Variants in E2F3 observed in about 807,000 individuals in gnomAD.
E2F3 encodes the protein E2F transcription factor 3, also known as transcription factor E2F3.
In E2F3, 11 loss-of-function variants were observed where a neutral mutation model predicts 44.4. The observed-to-expected ratio is 0.25, with a 90% CI of 0.16 to 0.41. The LOEUF (loss-of-function observed/expected upper bound fraction) is 0.41. E2F3 is among the 10% of genes least tolerant of loss of function. The probability of loss-of-function intolerance (pLI) is 1.00; values close to 1 mark genes in which losing one functional copy is unlikely to be tolerated. For missense variants in E2F3, 487 were observed against 583.6 expected (o/e 0.83, Z 1.70); for synonymous variants, 249 against 253.0 (o/e 0.98, Z 0.15).
At chr6:20,471,392 G>A (rs1051269881) in intron 1 of E2F3, among the ~76,000 whole-genome samples, 1 of 152,130 alleles carries the variant, frequency 6.6e-6, no homozygotes, top group African/African-American at 2.4e-5. Context: ...AGACTAGCCT[G>A]GCCAACATGG....
At chr6:20,406,641 A>G (rs1048186208) in intron 1 of E2F3, among the ~76,000 whole-genome samples, 2 of 152,202 alleles carry the variant, frequency 1.3e-5, no homozygotes, top group South Asian at 4.1e-4. Flanking sequence ...AGTGGTGTTG[A>G]ACTGCCAAGC....
chr6:20,409,103 C>G (rs1343470700), intron 1 of E2F3, among the ~76,000 whole-genome samples: 1 of 152,186 alleles, frequency 6.6e-6, no homozygotes, highest in African/African-American at 2.4e-5. Context: ...TTCTTAGAAG[C>G]CTCATTCACC....
intron 1 of E2F3, among the ~76,000 whole-genome samples, chr6:20,416,752 G>A (rs1442130097): frequency 6.6e-6 from 1 of 152,180 alleles, no homozygotes; most frequent in Non-Finnish European, 1.5e-5. Context: ...CCGTAACTGG[G>A]CTGCAATGTT....
intron 1 of E2F3, among the ~76,000 whole-genome samples, chr6:20,443,717 C>G (rs1760848225): frequency 6.6e-6 from 1 of 152,006 alleles, no homozygotes; most frequent in Non-Finnish European, 1.5e-5. Flanking sequence ...CCATTCTGCC[C>G]CCCAATTTAT....
intron 1 of E2F3, among the ~76,000 whole-genome samples, chr6:20,445,459 C>T (rs1186399489): frequency 1.3e-5 from 2 of 152,092 alleles, no homozygotes; most frequent in African/African-American, 4.8e-5. Flanking sequence ...AGGCTGGTCT[C>T]GAATTCCTGA....
At chr6:20,447,235 T>TGG (rs1325203509) in intron 1 of E2F3, among the ~76,000 whole-genome samples, 1 of 151,956 alleles carries the variant, frequency 6.6e-6, no homozygotes, top group Non-Finnish European at 1.5e-5. Flanking sequence ...GGACAGATGT[T>TGG]GGGGGGAAGG....
Position 20,402,491 on chromosome 6 carries a change from A to G in E2F3, c.259A>G (p.Ser87Gly). 1 of 1,605,448 alleles carries G rather than the reference A, an allele frequency of 6.2e-7. No homozygotes were observed. ...GAVAAGPLLP[S>G]APGAEQTAGS... ...CGTAGCCGCCGGCCCCCTCCTCCCC[A>G]GTGCCCCCGGCGCGGAGCAGACCGC... The change falls in exon 1 of 7, where the codon AGT (serine) becomes GGT (glycine). Residue 87 changes from serine (S) to glycine (G), a missense_variant. Physicochemically the swap from Ser to Gly is moderately conservative, Grantham distance 56. Transcript: ENST00000346618. The surrounding 1 kb of genome is among the most constrained non-coding windows in gnomAD (Gnocchi z 5.6).
chr6:20,476,312 A>G (rs1762043259), intron 1 of E2F3, among the ~76,000 whole-genome samples: 2 of 152,142 alleles, frequency 1.3e-5, no homozygotes, highest in African/African-American at 2.4e-5. Context: ...CGGAGCTTGC[A>G]ATAAGTTGAA....
intron 1 of E2F3, among the ~76,000 whole-genome samples, chr6:20,436,652 A>G (rs776778191): frequency 4.4e-4 from 67 of 152,166 alleles, no homozygotes; most frequent in Non-Finnish European, 8.5e-4. Flanking sequence ...CCACGTTAGC[A>G]GTCCTTTTCC....
intron 1 of E2F3, among the ~76,000 whole-genome samples, chr6:20,407,221 T>G (rs948190374): frequency 4.6e-5 from 7 of 152,160 alleles, no homozygotes; most frequent in Non-Finnish European, 8.8e-5. Context: ...GGGAGACAAT[T>G]TTTAGTCACT....
In E2F3 at chr6:20,410,224, G is replaced by A. The variant is rs1759627476; in HGVS notation, c.393+7599G>A. On this transcript the variant is annotated intron_variant, in intron 1 of 6. Transcript: ENST00000346618. ...CTGAGGCCCACACTATCTCCTGTGT[G>A]CCTTTCTGCATCTGGCAGTCCCTTG... is the stretch of plus-strand genomic sequence containing the variant. 2.6e-5 allele frequency among the ~76,000 whole-genome samples: 4 copies of A among 152,182 alleles called. No individual in the cohort carries two copies. The South Asian group carries it at 6.2e-4, about 24-fold the overall frequency.
intron 1 of E2F3, among the ~76,000 whole-genome samples, chr6:20,415,648 T>C (rs1284979951): frequency 6.6e-6 from 1 of 152,180 alleles, no homozygotes; most frequent in Non-Finnish European, 1.5e-5. Flanking sequence ...ATAGTACATA[T>C]TTAAATTTTA....
At position 20,490,504 on chromosome 6, in the gene E2F3, TTG is replaced by T; in HGVS notation, c.*76_*77del. 1 of 1,427,526 alleles carries T rather than the reference TTG, an allele frequency of 7.0e-7. No homozygotes were observed. The highest frequency in any genetic ancestry group is 9.4e-7 in the Non-Finnish European group (1 of 1,067,674). 88.4% of individuals were successfully genotyped at this position (1,427,526 alleles called of 1,614,324 possible). On this transcript the variant is annotated 3_prime_UTR_variant, in exon 7 of 7. Coordinates refer to ENST00000346618, the MANE Select transcript of E2F3 (RefSeq NM_001949.5). This position sits in a 1 kb window ranked among gnomAD's most constrained non-coding sequence, Gnocchi z 4.3. ...GAACCAGAACATCTGTCATGCAGTG[TTG>T]TCCCTTCCTACCTTCTTCCTCCAAG...
At chr6:20,488,318 A>G (rs1365141761) in intron 6 of E2F3, 70 bp downstream of exon 6, 1 of 1,499,836 alleles carries the variant, frequency 6.7e-7, no homozygotes, top group Non-Finnish European at 8.9e-7. Flanking sequence ...TCTGTATTGG[A>G]ACCACAAGCC....
chr6:20,436,452 AACAC>A (rs765678025), intron 1 of E2F3, among the ~76,000 whole-genome samples: 10,511 of 146,194 alleles, frequency 0.072, 841 homozygotes, highest in African/African-American at 0.21. Flanking sequence ...TGAGCTAGGA[AACAC>A]ACACACACAC....
chr6:20,466,264 C>T (rs1271583437), intron 1 of E2F3, among the ~76,000 whole-genome samples: 2 of 152,114 alleles, frequency 1.3e-5, no homozygotes. Flanking sequence ...TCATGCACAC[C>T]ACCACGCCCG....
intron 1 of E2F3, among the ~76,000 whole-genome samples, chr6:20,458,013 A>T (rs1002393291): frequency 6.6e-6 from 1 of 152,186 alleles, no homozygotes; most frequent in South Asian, 2.1e-4. Context: ...TTTTATGTTC[A>T]TTTGAAAAAT....
chr6:20,429,899 T>G (rs1371818035), intron 1 of E2F3, among the ~76,000 whole-genome samples: 1 of 152,096 alleles, frequency 6.6e-6, no homozygotes, highest in Non-Finnish European at 1.5e-5. Flanking sequence ...AATATTTTAT[T>G]AAATATTAAA....
chr6:20,421,912 C>G (rs1760042348), intron 1 of E2F3: 1 of 152,210 alleles, frequency 6.6e-6, no homozygotes, highest in Admixed American at 6.5e-5. Context: ...CTTAAGGGCC[C>G]TAGGGTTTTT....
Sources: gnomAD v4.1 joint callset for allele counts (sites outside exome capture counted in the v4.1 genomes callset) on GRCh38, gnomAD v4.1.1 for gene constraint, Gnocchi (gnomAD v3.1) non-coding constraint, MANE v1.5 for transcripts, NCBI Gene and HGNC (gene_info 2026-07-23, HGNC 2026-07-21) for gene names.